CDH8: variants seen among roughly 807,000 people sequenced by gnomAD.
CDH8 encodes cadherin-8.
In CDH8, 17 loss-of-function variants were observed where a neutral mutation model predicts 68.1. The observed-to-expected ratio is 0.25, with a 90% CI of 0.17 to 0.37. The LOEUF is 0.37. Among genes scored for constraint, CDH8 ranks in the 10% least tolerant of loss-of-function variants. CDH8 has a pLI of 1.00. For synonymous variants in CDH8, 372 were observed against 365.1 expected, an observed-to-expected ratio of 1.02 and a Z score of -0.21; for missense variants, 763 against 999.3, an observed-to-expected ratio of 0.76 and a Z score of 3.19.
intron 10 of CDH8, among the ~76,000 whole-genome samples, chr16:61,682,271 T>C (rs981841118): frequency 6.6e-6 from 1 of 151,928 alleles, no homozygotes; most frequent in African/African-American, 2.4e-5. Context: ...TGGGAGTTCA[T>C]GTATTAGGAA....
chr16:61,739,761 AAAAC>A lies in CDH8; in HGVS notation c.1415-12550_1415-12547del, dbSNP rs1227109686. Among the ~76,000 whole-genome samples the A allele has an allele frequency of 2.7e-5, 4 of 148,998 alleles. No homozygotes were observed. The South Asian group carries it at 8.4e-4, about 31-fold the overall frequency. ...AAAGAAAAGAAAAGAAAAGAAAAGAAAAACAAACAAACAAAAAAACAAACCAAGA... is the reference window on the plus strand; with the variant it reads ...AAAGAAAAGAAAAGAAAAGAAAAGAAAAACAAACAAAAAAACAAACCAAGA... On this transcript the variant is annotated intron_variant, in intron 8 of 11. Coordinates refer to ENST00000577390, the MANE Select transcript of CDH8 (RefSeq NM_001796.5).
At chr16:61,990,995 G>A (rs1367560021) in intron 2 of CDH8, among the ~76,000 whole-genome samples, 1 of 151,866 alleles carries the variant, frequency 6.6e-6, no homozygotes, top group Non-Finnish European at 1.5e-5. Flanking sequence ...GGAAGAAAGG[G>A]AGGAAGGAAA....
chr16:61,951,610 A>C (rs969924055), intron 2 of CDH8, among the ~76,000 whole-genome samples: 3 of 152,114 alleles, frequency 2.0e-5, no homozygotes, highest in Non-Finnish European at 2.9e-5. Context: ...AGGTTATTCA[A>C]CTAGCGTGAA....
At chr16:61,900,991 C>T in intron 3 of CDH8, 188 bp downstream of exon 3, 2 of 557,588 alleles carry the variant, frequency 3.6e-6, no homozygotes, top group East Asian at 5.6e-5. Context: ...GCTCTTCCAT[C>T]AGTTCCTGTT....
chr16:61,700,268 A>C (rs1964397772), intron 10 of CDH8, among the ~76,000 whole-genome samples: 1 of 148,704 alleles, frequency 6.7e-6, no homozygotes, highest in Non-Finnish European at 1.5e-5. Flanking sequence ...TATTAGATCT[A>C]TTTTTAGTTG....
At chr16:62,016,485 C>A (rs946478080) in intron 2 of CDH8, among the ~76,000 whole-genome samples, 1 of 152,176 alleles carries the variant, frequency 6.6e-6, no homozygotes, top group Non-Finnish European at 1.5e-5. Context: ...GCACATTTTA[C>A]CACAGAATAG....
chr16:61,741,069 T>C (rs1171516777), intron 8 of CDH8, among the ~76,000 whole-genome samples: 2 of 152,206 alleles, frequency 1.3e-5, no homozygotes, highest in Non-Finnish European at 2.9e-5. Context: ...AGTTATCTAT[T>C]ATTCTGTTTT....
intron 9 of CDH8, among the ~76,000 whole-genome samples, chr16:61,723,809 T>C (rs1959262657): frequency 6.6e-6 from 1 of 150,516 alleles, no homozygotes; most frequent in African/African-American, 2.4e-5. Context: ...CCATGGACGT[T>C]AGAGAGGAGT....
chr16:61,677,412 A>G (rs1221879247), intron 10 of CDH8, among the ~76,000 whole-genome samples: 1 of 151,620 alleles, frequency 6.6e-6, no homozygotes, highest in Non-Finnish European at 1.5e-5. Context: ...AATGGGCTCC[A>G]TTTACTTTAC....
intron 8 of CDH8, among the ~76,000 whole-genome samples, chr16:61,739,097 C>A (rs1959788458): frequency 6.6e-6 from 1 of 152,122 alleles, no homozygotes; most frequent in South Asian, 2.1e-4. Context: ...ACTCTGCCAA[C>A]TGAGTTGCAT....
chr16:61,650,980 A>C lies in CDH8; in HGVS notation c.*2628T>G, dbSNP rs113804451. On this transcript the variant is annotated 3_prime_UTR_variant, in exon 12 of 12. Transcript: ENST00000577390. Reference sequence around the variant, plus strand: ...GCGATATTTGGGCAACTAGTAGAGCAGACATTATCTCCTGCTCACAGAAAC... The same window carrying C: ...GCGATATTTGGGCAACTAGTAGAGCCGACATTATCTCCTGCTCACAGAAAC... The C allele has an allele frequency of 4.6e-5, 7 of 152,266 alleles. No homozygotes were observed. Among genetic ancestry groups the C allele is most frequent in the African/African-American group, 1.7e-4 (7 of 41,564 alleles). 9.4% of individuals were successfully genotyped at this position (152,266 alleles called of 1,614,324 possible).
intron 3 of CDH8, among the ~76,000 whole-genome samples, chr16:61,891,159 A>C (rs1396332128): frequency 6.6e-6 from 1 of 152,050 alleles, no homozygotes; most frequent in Non-Finnish European, 1.5e-5. Context: ...TTATCAACCT[A>C]AGATCCCAAA....
intron 10 of CDH8, among the ~76,000 whole-genome samples, chr16:61,703,553 C>T (rs985294225): frequency 6.6e-6 from 1 of 152,196 alleles, no homozygotes; most frequent in East Asian, 1.9e-4. Context: ...AAAATGTTTT[C>T]ATGCAGGCCA....
Position 61,647,830 on chromosome 16 carries a change from C to A in CDH8, c.*5778G>T. 1.4e-6 allele frequency: 1 copy of A among 699,952 alleles called. No homozygotes were observed. The highest frequency in any genetic ancestry group is 2.0e-5 in the Admixed American group (1 of 49,900). The allele number at this position is 699,952 out of a possible 1,614,324, so 43.4% of individuals were successfully genotyped here. ...AGTTCATTGAAGCCATGGTTTTCCACAGTCTTTCTCTTCAGACAGCATCTT... is the reference window on the plus strand; with the variant it reads ...AGTTCATTGAAGCCATGGTTTTCCAAAGTCTTTCTCTTCAGACAGCATCTT... On this transcript the variant is annotated 3_prime_UTR_variant, in exon 12 of 12. Coordinates refer to ENST00000577390, the MANE Select transcript of CDH8 (RefSeq NM_001796.5).
At chr16:61,673,541 G>T (rs1249899913) in intron 10 of CDH8, among the ~76,000 whole-genome samples, 1 of 151,926 alleles carries the variant, frequency 6.6e-6, no homozygotes, top group Admixed American at 6.6e-5. Flanking sequence ...CATTATTCTT[G>T]TTTAGTTATT....
intron 2 of CDH8, among the ~76,000 whole-genome samples, chr16:61,961,815 TA>T (rs987711262): frequency 6.6e-6 from 1 of 152,134 alleles, no homozygotes; most frequent in African/African-American, 2.4e-5. Flanking sequence ...TTAAATTTAT[TA>T]AAAAGGAGAG....
At chr16:61,784,899 G>A (rs896373225) in intron 8 of CDH8, among the ~76,000 whole-genome samples, 2 of 152,112 alleles carry the variant, frequency 1.3e-5, no homozygotes, top group African/African-American at 4.8e-5. Context: ...CTAGAACAAA[G>A]ACACAACATA....
intron 7 of CDH8, among the ~76,000 whole-genome samples, chr16:61,793,474 G>A (rs2142995080): frequency 6.6e-6 from 1 of 151,916 alleles, no homozygotes; most frequent in African/African-American, 2.4e-5. Context: ...TCATCATTTA[G>A]TTCCCTCTTA....
At chr16:62,021,124 A>C (rs376235061) in intron 2 of CDH8, 28 bp downstream of exon 2, 44 of 1,602,124 alleles carry the variant, frequency 2.7e-5, no homozygotes, top group Non-Finnish European at 3.7e-5. Context: ...ACAGACCCTG[A>C]AATTGAGATC....
Sources: gnomAD v4.1 joint callset for allele counts (sites outside exome capture counted in the v4.1 genomes callset) on GRCh38, gnomAD v4.1.1 for gene constraint, MANE v1.5 for transcripts, NCBI Gene and HGNC (gene_info 2026-07-23, HGNC 2026-07-21) for gene names.